Variants in MAP2K4 observed in about 807,000 individuals in gnomAD.
MAP2K4 encodes dual specificity mitogen-activated protein kinase kinase 4.
Under a neutral mutation model 48.5 loss-of-function variants are expected in MAP2K4, and 4 were observed. The observed-to-expected ratio is 0.08, with a 90% CI of 0.04 to 0.19. The LOEUF (loss-of-function observed/expected upper bound fraction) is 0.19. Ranked by LOEUF, MAP2K4 falls within the 10% of genes least tolerant of loss-of-function variation. The pLI is 1.00. For synonymous variants in MAP2K4, 166 were observed against 173.1 expected (o/e 0.96, Z 0.32); for missense variants, 258 against 493.3 (o/e 0.52, Z 4.52).
At chr17:12,085,099 A>G (rs570313741) in intron 3 of MAP2K4, among the ~76,000 whole-genome samples, 4 of 152,326 alleles carry the variant, frequency 2.6e-5, no homozygotes, top group Non-Finnish European at 5.9e-5. Flanking sequence ...GTTGTTTTCT[A>G]GCAGACTCAT....
Position 12,141,216 on chromosome 17 carries a change from G to A in MAP2K4, c.1156G>A (p.Asp386Asn). The A allele has an allele frequency of 6.2e-7, 1 of 1,613,818 alleles. No individual in the cohort carries two copies. Residue 386 changes from aspartate to asparagine, a missense_variant, in exon 11 of 11, where the codon GAT becomes AAT. Transcript: ENST00000353533. ...CGCATGCTATGTTTGTAAAATCCTG[G>A]ATCAAATGCCAGCTACTCCCAGCTC... ...EVACYVCKIL[D>N]QMPATPSSPM...
intron 4 of MAP2K4, among the ~76,000 whole-genome samples, chr17:12,106,601 A>G (rs1410044154): frequency 6.6e-6 from 1 of 152,118 alleles, no homozygotes; most frequent in Non-Finnish European, 1.5e-5. Context: ...TTATATAATT[A>G]TTATATAATC....
At chr17:12,140,208 G>A (rs1370444405) in intron 10 of MAP2K4, among the ~76,000 whole-genome samples, 1 of 24,846 alleles carries the variant, frequency 4.0e-5, no homozygotes, top group African/African-American at 5.8e-5. Flanking sequence ...AAAAAAATTA[G>A]TGAAAATTTG....
chr17:12,039,850 T>C (rs962155882), intron 1 of MAP2K4, among the ~76,000 whole-genome samples: 2 of 152,204 alleles, frequency 1.3e-5, no homozygotes, highest in African/African-American at 4.8e-5. Flanking sequence ...TTTAAAAAAT[T>C]GGTTAATTTA....
intron 3 of MAP2K4, among the ~76,000 whole-genome samples, chr17:12,093,379 A>T (rs28923193): frequency 0.074 from 11,289 of 152,238 alleles, 555 homozygotes; most frequent in Non-Finnish European, 0.11. Flanking sequence ...TTGGAACTTC[A>T]GTTAGGCCTT....
intron 1 of MAP2K4, among the ~76,000 whole-genome samples, chr17:12,033,493 A>G (rs1045279894): frequency 3.3e-5 from 5 of 152,188 alleles, no homozygotes; most frequent in African/African-American, 1.2e-4. Flanking sequence ...GTAACTGTAT[A>G]TAAATAATAG....
intron 3 of MAP2K4, among the ~76,000 whole-genome samples, chr17:12,084,887 G>A (rs1413224562): frequency 2.6e-5 from 4 of 152,086 alleles, no homozygotes; most frequent in Non-Finnish European, 5.9e-5. Context: ...TCATCAGTCA[G>A]AATCAGGATG....
intron 9 of MAP2K4, among the ~76,000 whole-genome samples, chr17:12,131,251 T>TC (rs1459948662): frequency 8.3e-6 from 1 of 120,860 alleles, no homozygotes; most frequent in Non-Finnish European, 1.9e-5. Flanking sequence ...TTTTTTTTTT[T>TC]CTTTCTTGTT....
intron 1 of MAP2K4, among the ~76,000 whole-genome samples, chr17:12,040,454 C>T (rs999231965): frequency 6.6e-6 from 1 of 152,152 alleles, no homozygotes; most frequent in Non-Finnish European, 1.5e-5. Flanking sequence ...GATACTTGTC[C>T]TTTCTACCCT....
Position 12,107,775 on chromosome 17 carries a change from T to C in MAP2K4, c.514-15T>C, listed in dbSNP as rs2151572795. Reference sequence around the variant, plus strand: ...TTAAGATGTATAAGAATAACAGATATTTGTTATTTTATAGGGTGACTGTTG... The same window carrying C: ...TTAAGATGTATAAGAATAACAGATACTTGTTATTTTATAGGGTGACTGTTG... On this transcript the variant is annotated splice_polypyrimidine_tract_variant and intron_variant, in intron 4 of 10. Coordinates refer to ENST00000353533, the MANE Select transcript of MAP2K4 (RefSeq NM_003010.4). 1.9e-6 allele frequency: 3 copies of C among 1,566,404 alleles called. No homozygotes were observed. Among genetic ancestry groups the C allele is most frequent in the Admixed American group, 2.0e-5 (1 of 50,346 alleles).
At chr17:12,112,072 G>C (rs933717437) in intron 6 of MAP2K4, among the ~76,000 whole-genome samples, 3 of 152,166 alleles carry the variant, frequency 2.0e-5, no homozygotes, top group African/African-American at 7.2e-5. Context: ...AGAAGCATGA[G>C]ACTACCCTTA....
At chr17:12,069,222 C>T (rs1970710520) in intron 2 of MAP2K4, among the ~76,000 whole-genome samples, 1 of 152,138 alleles carries the variant, frequency 6.6e-6, no homozygotes, top group Non-Finnish European at 1.5e-5. Context: ...TTCTTACTTA[C>T]TTGGGAAGAG....
At chr17:12,025,548 A>G (rs1275770168) in intron 1 of MAP2K4, among the ~76,000 whole-genome samples, 1 of 152,220 alleles carries the variant, frequency 6.6e-6, no homozygotes, top group Non-Finnish European at 1.5e-5. Context: ...TTTGTAAAAT[A>G]CTTGTTACAA....
In MAP2K4 at chr17:12,119,588, A is replaced by G. The variant is rs531896308; in HGVS notation, c.814-5706A>G. On this transcript the variant is annotated intron_variant, in intron 7 of 10. Coordinates refer to ENST00000353533, the MANE Select transcript of MAP2K4 (RefSeq NM_003010.4). ...TGGAAAGCAGTGTGGTGATTCCTCA[A>G]AAAGCTAAAAACAGAATTGTCATTC... Among the ~76,000 whole-genome samples, 306 of 152,366 alleles carry G rather than the reference A, an allele frequency of 2.0e-3. 1 individual carries two copies. The highest frequency in any genetic ancestry group is 7.1e-3 in the African/African-American group (295 of 41,592).
intron 1 of MAP2K4, among the ~76,000 whole-genome samples, chr17:12,050,773 A>C (rs1435615679): frequency 2.0e-5 from 3 of 152,218 alleles, no homozygotes; most frequent in Non-Finnish European, 4.4e-5. Flanking sequence ...TAAACCTGGA[A>C]GGTGTCTTCC....
intron 3 of MAP2K4, among the ~76,000 whole-genome samples, chr17:12,082,714 A>G (rs116305148): frequency 6.6e-4 from 100 of 152,304 alleles, no homozygotes; most frequent in African/African-American, 2.2e-3. Flanking sequence ...GATTCTCTCT[A>G]TGGGTTCCTA....
chr17:12,135,979 C>T (rs1973194735), intron 9 of MAP2K4, among the ~76,000 whole-genome samples: 1 of 152,034 alleles, frequency 6.6e-6, no homozygotes, highest in Non-Finnish European at 1.5e-5. Context: ...AAAGGATAAC[C>T]CAAGCAAATG....
chr17:12,135,719 T>G (rs1973185555), intron 9 of MAP2K4, among the ~76,000 whole-genome samples: 1 of 151,864 alleles, frequency 6.6e-6, no homozygotes, highest in Non-Finnish European at 1.5e-5. Flanking sequence ...CCAGCTAATT[T>G]TTGTATTTTT....
chr17:12,060,537 G>A (rs1386920144), intron 2 of MAP2K4, among the ~76,000 whole-genome samples: 1 of 152,176 alleles, frequency 6.6e-6, no homozygotes, highest in African/African-American at 2.4e-5. Context: ...ATTTCTAAGT[G>A]TGAATACCTC....
Sources: allele counts gnomAD v4.1 joint callset (sites outside exome capture counted in the v4.1 genomes callset), GRCh38; gene constraint gnomAD v4.1.1; transcripts MANE v1.5; gene names NCBI Gene and HGNC (gene_info 2026-07-23, HGNC 2026-07-21).